PCDHA1: variants seen among roughly 807,000 people sequenced by gnomAD.
PCDHA1 encodes protocadherin alpha 1.
A neutral mutation model predicts 61.3 loss-of-function variants in PCDHA1; 42 were observed. That is an observed-to-expected ratio of 0.69 (90% CI 0.54 to 0.89). The LOEUF (loss-of-function observed/expected upper bound fraction) is 0.89. Ranked by LOEUF, PCDHA1 falls within the 40% of genes least tolerant of loss-of-function variation. The pLI, the probability that PCDHA1 is intolerant of heterozygous loss-of-function variation, is 0.00. For missense variants in PCDHA1, 1,256 were observed against 1,235.3 expected, an observed-to-expected ratio of 1.02 and a Z score of -0.25; for synonymous variants, 610 against 553.8, an observed-to-expected ratio of 1.10 and a Z score of -1.43.
At chr5:140,915,626 G>GTC (rs57920489) in intron 1 of PCDHA1, among the ~76,000 whole-genome samples, 4,335 of 146,228 alleles carry the variant, frequency 0.03, 91 homozygotes, top group African/African-American at 0.067. Flanking sequence ...GTCTCTTTCT[G>GTC]TCTCTCTCTC....
chr5:140,834,360 A>G (rs1554134119), intron 1 of PCDHA1: 1 of 1,549,278 alleles, frequency 6.5e-7, no homozygotes. Context: ...TTTGCTGACT[A>G]GAAAAACAAG....
chr5:140,978,701 G>A (rs1240672824), intron 1 of PCDHA1, among the ~76,000 whole-genome samples: 1 of 152,236 alleles, frequency 6.6e-6, no homozygotes, highest in African/African-American at 2.4e-5. Context: ...AAAGCCAAAG[G>A]TGGCCTTTAC....
At chr5:140,911,057 TG>T (rs1554194586) in intron 1 of PCDHA1, among the ~76,000 whole-genome samples, 1 of 151,474 alleles carries the variant, frequency 6.6e-6, no homozygotes, top group Non-Finnish European at 1.5e-5. Context: ...TGGTGGGGGG[TG>T]GGTCCTGAGG....
intron 1 of PCDHA1, among the ~76,000 whole-genome samples, chr5:140,880,113 C>T (rs957295411): frequency 4.6e-5 from 7 of 152,220 alleles, no homozygotes; most frequent in Admixed American, 3.3e-4. Context: ...GAAGGATAGA[C>T]AACAGGAAGC....
intron 1 of PCDHA1, among the ~76,000 whole-genome samples, chr5:140,922,177 A>C (rs1194396252): frequency 2.9e-5 from 2 of 69,034 alleles, no homozygotes; most frequent in African/African-American, 9.2e-5. Context: ...TACAGCAGAC[A>C]AAAAAAAAGT....
At chr5:140,980,837 A>T (rs1189348118) in intron 2 of PCDHA1, among the ~76,000 whole-genome samples, 1 of 152,160 alleles carries the variant, frequency 6.6e-6, no homozygotes, top group Non-Finnish European at 1.5e-5. Context: ...TGTGAACCTA[A>T]ATAATACTAA....
At chr5:141,000,429 T>A (rs1327595966) in intron 3 of PCDHA1, among the ~76,000 whole-genome samples, 40 of 124,862 alleles carry the variant, frequency 3.2e-4, no homozygotes, top group African/African-American at 1.1e-3. Flanking sequence ...ATATTTTTTT[T>A]TTTTTTTTTT....
chr5:140,850,772 C>A lies in PCDHA1; in HGVS notation c.2394+62088C>A, dbSNP rs2041813098. 4.4e-6 allele frequency: 7 copies of A among 1,598,004 alleles called. 1 individual carries two copies. Among genetic ancestry groups the A allele is most frequent in the Non-Finnish European group, 6.0e-6 (7 of 1,167,724 alleles). Reference sequence around the variant, plus strand: ...CGCAGCAGAGGAGGCAGAGGGTGTGCTCTGGCGAGGGTAAGCAGAAGACCG... The same window carrying A: ...CGCAGCAGAGGAGGCAGAGGGTGTGATCTGGCGAGGGTAAGCAGAAGACCG... On this transcript the variant is annotated intron_variant, in intron 1 of 3. Transcript: ENST00000504120.
At chr5:140,834,528 G>A (rs2150220380) in intron 1 of PCDHA1, 2 of 1,614,086 alleles carry the variant, frequency 1.2e-6, no homozygotes, top group Non-Finnish European at 8.5e-7. Context: ...GGGCCGCATC[G>A]CGCAGGACCT....
intron 1 of PCDHA1, chr5:140,883,163 A>C: frequency 6.2e-7 from 1 of 1,614,068 alleles, no homozygotes; most frequent in South Asian, 1.1e-5. Context: ...AAATCCGAAC[A>C]ATGGAGAAAT....
Position 140,856,142 on chromosome 5 carries a change from T to C in PCDHA1, c.2394+67458T>C. 6.3e-7 allele frequency: 1 copy of C among 1,598,234 alleles called. No homozygotes were observed. Among genetic ancestry groups the C allele is most frequent in the Non-Finnish European group, 8.6e-7 (1 of 1,167,842 alleles). ...GGAGGTGGGGAGCGGCCAGCTCCAC[T>C]ACTCAGTCTACGAGGAGGCCAGACA... On this transcript the variant is annotated intron_variant, in intron 1 of 3. Transcript: ENST00000504120.
At chr5:140,858,366 G>A (rs2045372675) in intron 1 of PCDHA1, 1 of 1,590,834 alleles carries the variant, frequency 6.3e-7, no homozygotes, top group Admixed American at 1.7e-5. Flanking sequence ...TTCAGCCCCA[G>A]CCTTCCACCA....
At chr5:140,843,948 A>G (rs1465306903) in intron 1 of PCDHA1, 4 of 562,382 alleles carry the variant, frequency 7.1e-6, no homozygotes, top group Non-Finnish European at 9.4e-6. Flanking sequence ...GATGATATCC[A>G]TTTTTTACTG....
intron 1 of PCDHA1, among the ~76,000 whole-genome samples, chr5:140,895,594 T>C (rs2065067713): frequency 6.6e-6 from 1 of 152,228 alleles, no homozygotes; most frequent in Admixed American, 6.5e-5. Flanking sequence ...GATATATAAT[T>C]TGCAAAGATT....
At chr5:140,931,791 T>A (rs1168945699) in intron 1 of PCDHA1, among the ~76,000 whole-genome samples, 1 of 152,016 alleles carries the variant, frequency 6.6e-6, no homozygotes, top group African/African-American at 2.4e-5. Context: ...CCTATTGATC[T>A]GATCTTAATT....
intron 1 of PCDHA1, chr5:140,882,955 C>T: frequency 6.2e-7 from 1 of 1,614,178 alleles, no homozygotes; most frequent in East Asian, 2.2e-5. Context: ...TTCAGCTGCT[C>T]ATCACGATTC....
chr5:140,898,913 G>T (rs1554188302), intron 1 of PCDHA1, among the ~76,000 whole-genome samples: 1 of 152,066 alleles, frequency 6.6e-6, no homozygotes, highest in Non-Finnish European at 1.5e-5. Context: ...CACGTCCCTT[G>T]TAAGTTGGAT....
chr5:140,930,321 T>C (rs1166503889), intron 1 of PCDHA1: 7 of 152,186 alleles, frequency 4.6e-5, no homozygotes, highest in Non-Finnish European at 1.0e-4. Flanking sequence ...TTGAGAGTAA[T>C]GTATCTAATG....
At position 141,010,264 on chromosome 5, in the gene PCDHA1, G is replaced by A. The variant is rs1265692233; in HGVS notation, c.*327G>A. On this transcript the variant is annotated 3_prime_UTR_variant, in exon 4 of 4. Transcript: ENST00000504120. ...GGTTGGACTCTCTGCCCTGTGCTCC[G>A]GGGATCCTGTCTTGATGACACTTGC... The A allele has an allele frequency of 1.4e-5, 22 of 1,551,586 alleles. No individual in the cohort carries two copies. The highest frequency in any genetic ancestry group is 1.1e-4 in the South Asian group (9 of 84,060).
Sources: allele counts gnomAD v4.1 joint callset (sites outside exome capture counted in the v4.1 genomes callset), GRCh38; gene constraint gnomAD v4.1.1; transcripts MANE v1.5; gene names NCBI Gene and HGNC (gene_info 2026-07-23, HGNC 2026-07-21).